MACROD2: variants seen among roughly 807,000 people sequenced by gnomAD.
MACROD2 encodes mono-ADP ribosylhydrolase 2.
MACROD2 carries 36 observed loss-of-function variants against 70.4 expected under a neutral mutation model. The observed-to-expected ratio is 0.51, with a 90% CI of 0.39 to 0.68. The LOEUF is 0.68. MACROD2 is among the 30% of genes least tolerant of loss of function. The pLI is 0.00. For missense variants in MACROD2, 496 were observed against 538.4 expected (o/e 0.92, Z 0.78); for synonymous variants, 172 against 178.8 (o/e 0.96, Z 0.30).
intron 3 of MACROD2, among the ~76,000 whole-genome samples, chr20:14,480,632 T>A (rs925806942): frequency 6.6e-6 from 1 of 152,186 alleles, no homozygotes; most frequent in Non-Finnish European, 1.5e-5. Flanking sequence ...TATCAGTGCT[T>A]TTCAATGCAG....
chr20:14,054,840 C>A (rs1272176546), intron 2 of MACROD2, among the ~76,000 whole-genome samples: 2 of 152,088 alleles, frequency 1.3e-5, no homozygotes, highest in African/African-American at 4.8e-5. Flanking sequence ...AACATGCAGG[C>A]AGTGATTTTA....
chr20:14,386,214 A>G (rs1487919335), intron 3 of MACROD2, among the ~76,000 whole-genome samples: 1 of 152,216 alleles, frequency 6.6e-6, no homozygotes, highest in Non-Finnish European at 1.5e-5. Flanking sequence ...TTAATGATGG[A>G]AACTCTCATC....
rs1007596647 is a variant in MACROD2 at position 14,139,881 on chromosome 20, C to A, written c.271+54153C>A. ...CTGACTTCATGTGAAGGGTCGCAGT[C>A]AAAATGTAGGCACACAACACAAAGC... On this transcript the variant is annotated intron_variant, in intron 3 of 17. Coordinates refer to ENST00000684519, the MANE Select transcript of MACROD2 (RefSeq NM_001351661.2). Among the ~76,000 whole-genome samples the A allele has an allele frequency of 2.0e-5, 3 of 152,202 alleles. No homozygotes were observed. In the East Asian group the frequency reaches 5.8e-4, roughly 29 times the overall value.
chr20:15,866,025 C>T (rs1250856811), intron 9 of MACROD2, among the ~76,000 whole-genome samples: 3 of 152,134 alleles, frequency 2.0e-5, no homozygotes, highest in Admixed American at 6.5e-5. Context: ...ACAAGTGGAA[C>T]ATATCACAAC....
At chr20:14,657,158 C>A (rs962507105) in intron 4 of MACROD2, among the ~76,000 whole-genome samples, 44 of 152,220 alleles carry the variant, frequency 2.9e-4, no homozygotes, top group African/African-American at 1.0e-3. Flanking sequence ...TACCAAAGGG[C>A]ATTTACATAA....
At chr20:14,673,814 G>A (rs368303066) in intron 4 of MACROD2, among the ~76,000 whole-genome samples, 10 of 151,772 alleles carry the variant, frequency 6.6e-5, no homozygotes, top group African/African-American at 2.4e-4. Context: ...CAGCTACTCG[G>A]GAGGCTGAGG....
intron 3 of MACROD2, among the ~76,000 whole-genome samples, chr20:14,375,730 T>C (rs139639555): frequency 1.1e-4 from 17 of 152,320 alleles, no homozygotes; most frequent in African/African-American, 3.4e-4. Context: ...GGTTTTGCGT[T>C]CAATTCAATG....
chr20:14,364,067 G>T (rs1302002040), intron 3 of MACROD2, among the ~76,000 whole-genome samples: 1 of 152,000 alleles, frequency 6.6e-6, no homozygotes, highest in Non-Finnish European at 1.5e-5. Flanking sequence ...AAGCTTCCCA[G>T]GTGATTAAAA....
intron 5 of MACROD2, among the ~76,000 whole-genome samples, chr20:14,951,513 T>TG (rs2074476047): frequency 6.6e-6 from 1 of 152,112 alleles, no homozygotes; most frequent in Non-Finnish European, 1.5e-5. Context: ...ATGTCTGTCA[T>TG]AGTCATGAAG....
At chr20:14,243,719 C>A (rs2081947107) in intron 3 of MACROD2, among the ~76,000 whole-genome samples, 1 of 152,158 alleles carries the variant, frequency 6.6e-6, no homozygotes, top group South Asian at 2.1e-4. Context: ...TCATGGGAAA[C>A]CAAGGCTGTT....
intron 3 of MACROD2, among the ~76,000 whole-genome samples, chr20:14,126,459 T>A (rs570997119): frequency 6.6e-6 from 1 of 152,304 alleles, no homozygotes; most frequent in South Asian, 2.1e-4. Context: ...GGGGTCCATG[T>A]AGGCATACCT....
chr20:15,576,564 T>TTTTC (rs34185534), intron 8 of MACROD2, among the ~76,000 whole-genome samples: 1 of 151,768 alleles, frequency 6.6e-6, no homozygotes, highest in Non-Finnish European at 1.5e-5. Flanking sequence ...TTTTTTTTTT[T>TTTTC]CTTCCCAGAG....
intron 4 of MACROD2, among the ~76,000 whole-genome samples, chr20:14,529,091 G>C (rs1358683067): frequency 1.3e-5 from 2 of 152,158 alleles, no homozygotes; most frequent in African/African-American, 4.8e-5. Context: ...TTGTGATCTA[G>C]AGGGCACTAG....
chr20:14,470,719 A>C (rs2084519549), intron 3 of MACROD2, among the ~76,000 whole-genome samples: 1 of 152,024 alleles, frequency 6.6e-6, no homozygotes, highest in Non-Finnish European at 1.5e-5. Flanking sequence ...CTTTGTTTAC[A>C]CTGTGATGGG....
At chr20:14,609,972 T>C (rs1244320630) in intron 4 of MACROD2, among the ~76,000 whole-genome samples, 1 of 152,172 alleles carries the variant, frequency 6.6e-6, no homozygotes, top group East Asian at 1.9e-4. Flanking sequence ...TTTTTTCGTA[T>C]TTTGTAGTCA....
chr20:15,621,477 A>T (rs1036685748), intron 8 of MACROD2, among the ~76,000 whole-genome samples: 5 of 152,238 alleles, frequency 3.3e-5, no homozygotes, highest in African/African-American at 1.2e-4. Flanking sequence ...TTTATTTAAA[A>T]ATATAAAAAC....
intron 8 of MACROD2, among the ~76,000 whole-genome samples, chr20:15,538,278 G>T (rs543840079): frequency 6.8e-4 from 103 of 152,266 alleles, no homozygotes; most frequent in South Asian, 6.0e-3. Flanking sequence ...GACAATAAAG[G>T]ACTCTATTTG....
At chr20:15,171,032 A>G (rs1394091358) in intron 5 of MACROD2, among the ~76,000 whole-genome samples, 2 of 152,158 alleles carry the variant, frequency 1.3e-5, no homozygotes, top group African/African-American at 2.4e-5. Flanking sequence ...CCTAAGCTAG[A>G]GTAAAGTAGG....
In MACROD2 at chr20:15,045,744, T is replaced by TCC. The variant is rs1555777170; in HGVS notation, c.419-184194_419-184193dup. ...GTTTTTTTTTTTTTTTTTTTTTTTT[T>TCC]CCCTTTCTGATAACACACCACACTT... On this transcript the variant is annotated intron_variant, in intron 5 of 17. Coordinates refer to ENST00000684519, the MANE Select transcript of MACROD2 (RefSeq NM_001351661.2). Among the ~76,000 whole-genome samples, 51 of 134,716 alleles carry TCC rather than the reference T, an allele frequency of 3.8e-4. 1 individual carries two copies. Among genetic ancestry groups the TCC allele is most frequent in the Middle Eastern group, 8.1e-3 (2 of 246 alleles). 88.4% of individuals were successfully genotyped at this position (134,716 alleles called of 152,430 possible).
Sources: gnomAD v4.1 joint callset for allele counts (sites outside exome capture counted in the v4.1 genomes callset) on GRCh38, gnomAD v4.1.1 for gene constraint, MANE v1.5 for transcripts, NCBI Gene and HGNC (gene_info 2026-07-23, HGNC 2026-07-21) for gene names.